PSMC2: variants seen among roughly 807,000 people sequenced by gnomAD.
PSMC2 encodes the protein proteasome 26S subunit, ATPase 2, also known as 26S proteasome regulatory subunit 7.
In PSMC2, 7 loss-of-function variants were observed where a neutral mutation model predicts 53.3. The ratio of observed to expected loss-of-function variants is 0.13; its 90% CI spans 0.07 to 0.25. The LOEUF (loss-of-function observed/expected upper bound fraction) is 0.25. Ranked by LOEUF, PSMC2 falls within the 10% of genes least tolerant of loss-of-function variation. The pLI, the probability that PSMC2 is intolerant of heterozygous loss-of-function variation, is 1.00. For missense variants in PSMC2, 241 were observed against 544.0 expected (o/e 0.44, Z 5.54); for synonymous variants, 169 against 183.9 (o/e 0.92, Z 0.66).
intron 1 of PSMC2, chr7:103,348,702 T>C (rs1294938395): frequency 1.3e-5 from 20 of 1,588,648 alleles, no homozygotes; most frequent in Middle Eastern, 2.3e-4. Context: ...TCCGGAAATA[T>C]GGCCTCAATA....
intron 1 of PSMC2, among the ~76,000 whole-genome samples, chr7:103,353,486 T>G (rs1467975724): frequency 1.3e-5 from 2 of 152,178 alleles, no homozygotes; most frequent in South Asian, 2.1e-4. Context: ...TTTGTATTTT[T>G]GGTAGAGACG....
intron 7 of PSMC2, among the ~76,000 whole-genome samples, chr7:103,363,835 G>T (rs1231572629): frequency 1.3e-5 from 2 of 152,048 alleles, no homozygotes; most frequent in African/African-American, 4.8e-5. Context: ...AGATAATTTT[G>T]TTCCTTAAAC....
At chr7:103,365,658 A>G (rs1166502165) in intron 8 of PSMC2, among the ~76,000 whole-genome samples, 1 of 151,232 alleles carries the variant, frequency 6.6e-6, no homozygotes, top group Non-Finnish European at 1.5e-5. Flanking sequence ...AGCTGCGCGC[A>G]GTGGCTCACG....
intron 4 of PSMC2, among the ~76,000 whole-genome samples, chr7:103,359,942 G>A (rs753853278): frequency 5.3e-5 from 8 of 152,026 alleles, no homozygotes; most frequent in South Asian, 2.1e-4. Context: ...TTAGCTGGGC[G>A]TGGTGGCAGG....
chr7:103,352,894 G>C (rs756759767), intron 1 of PSMC2: 9 of 780,762 alleles, frequency 1.2e-5, no homozygotes, highest in Non-Finnish European at 1.9e-5. Flanking sequence ...TTTCCCCTAC[G>C]GTCTCCATCT....
chr7:103,348,522 A>G, intron 1 of PSMC2: 1 of 674,918 alleles, frequency 1.5e-6, no homozygotes, highest in Non-Finnish European at 2.7e-6. Context: ...TTTATTATTG[A>G]TGGACGTGTA....
rs185646179 is a variant in PSMC2, at chr7:103,361,250, G to A, written c.291-707G>A. On this transcript the variant is annotated intron_variant, in intron 4 of 11. Coordinates refer to ENST00000292644, the MANE Select transcript of PSMC2 (RefSeq NM_002803.4). ...TGTAATCCCAGCACTTTGGGAAGCT[G>A]AGGCGGGCGGATCACCTGAGGTTGG... 1.9e-3 allele frequency among the ~76,000 whole-genome samples: 287 copies of A among 151,998 alleles called. 5 individuals are homozygous for A. Among genetic ancestry groups the A allele is most frequent in the Admixed American group, 0.017 (266 of 15,268 alleles).
chr7:103,351,513 CCA>C (rs1429478134), intron 1 of PSMC2, among the ~76,000 whole-genome samples: 1 of 152,150 alleles, frequency 6.6e-6, no homozygotes, highest in Non-Finnish European at 1.5e-5. Flanking sequence ...CTAGAACATA[CCA>C]AAATTCTAGA....
Position 103,355,806 on chromosome 7 carries a change from G to T in PSMC2, c.290+13G>T, listed in dbSNP as rs577267093. On this transcript the variant is annotated intron_variant, in intron 4 of 11. Coordinates refer to ENST00000292644, the MANE Select transcript of PSMC2 (RefSeq NM_002803.4). ...TACAGGTTGCCAGGTATGCACGGGT[G>T]CTCTGTGGCAACTTACCTTTGTCTG... The T allele has an allele frequency of 9.5e-6, 15 of 1,576,960 alleles. No homozygotes were observed. The highest frequency in any genetic ancestry group is 3.3e-5 in the South Asian group (3 of 89,860).
chr7:103,368,485 T>C lies in PSMC2; in HGVS notation c.*431T>C, dbSNP rs1328994672. ...ACAAGTTTGTTGGCTCCATTACCTATGCTCCTATTATCCGCTTCTGTCCCG... is the reference window on the plus strand; with the variant it reads ...ACAAGTTTGTTGGCTCCATTACCTACGCTCCTATTATCCGCTTCTGTCCCG... On this transcript the variant is annotated 3_prime_UTR_variant, in exon 12 of 12. Coordinates refer to ENST00000292644, the MANE Select transcript of PSMC2 (RefSeq NM_002803.4). 1 of 154,928 alleles carries C rather than the reference T, an allele frequency of 6.5e-6. No individual in the cohort carries two copies. Among genetic ancestry groups the C allele is most frequent in the African/African-American group, 2.4e-5 (1 of 41,500 alleles). The allele number at this position is 154,928 out of a possible 1,614,324, so 9.6% of individuals were successfully genotyped here. A position where few individuals can be genotyped will look rare whatever the true frequency, so the allele number is the denominator to read the frequency against.
At chr7:103,362,258 TC>T (rs907242970) in intron 5 of PSMC2, 170 bp downstream of exon 5, 1 of 1,420,694 alleles carries the variant, frequency 7.0e-7, no homozygotes, top group East Asian at 2.7e-5. Flanking sequence ...CTTCCTAACT[TC>T]CCATCGGCTT....
intron 4 of PSMC2, among the ~76,000 whole-genome samples, chr7:103,359,936 CT>C (rs1820280613): frequency 1.3e-5 from 2 of 152,008 alleles, no homozygotes; most frequent in South Asian, 4.2e-4. Flanking sequence ...AAAATATTAG[CT>C]GGGCGTGGTG....
intron 8 of PSMC2, among the ~76,000 whole-genome samples, chr7:103,365,255 A>G (rs975846171): frequency 1.3e-5 from 2 of 152,202 alleles, no homozygotes; most frequent in Non-Finnish European, 2.9e-5. Flanking sequence ...TAATAGATAC[A>G]GAATCATGAA....
At chr7:103,351,461 C>T (rs1038158663) in intron 1 of PSMC2, among the ~76,000 whole-genome samples, 1 of 152,148 alleles carries the variant, frequency 6.6e-6, no homozygotes, top group South Asian at 2.1e-4. Flanking sequence ...AGATTTGGCA[C>T]CCAGGGTTTT....
At chr7:103,364,981 A>ATATATATT (rs950613120) in intron 8 of PSMC2, among the ~76,000 whole-genome samples, 23 of 140,550 alleles carry the variant, frequency 1.6e-4, no homozygotes, top group African/African-American at 1.3e-4. Context: ...ATATATATAT[A>ATATATATT]TATTTAGAGA....
intron 4 of PSMC2, among the ~76,000 whole-genome samples, chr7:103,361,134 A>G (rs1006511651): frequency 6.7e-6 from 1 of 149,022 alleles, no homozygotes; most frequent in Non-Finnish European, 1.5e-5. Context: ...AAAAGAAAAA[A>G]AAACAAGCTT....
Position 103,369,290 on chromosome 7 carries a change from C to T in PSMC2, c.*1236C>T, listed in dbSNP as rs1366580584. On this transcript the variant is annotated 3_prime_UTR_variant, in exon 12 of 12. Transcript: ENST00000292644. Reference sequence around the variant, plus strand: ...ATTTTTCTTGAGGAATTAAATAGAGCAAACTATTTTCAGGTTATGCTTACA... The same window carrying T: ...ATTTTTCTTGAGGAATTAAATAGAGTAAACTATTTTCAGGTTATGCTTACA... The T allele has an allele frequency of 6.6e-6, 1 of 152,062 alleles. No individual in the cohort carries two copies. The highest frequency in any genetic ancestry group is 2.4e-5 in the African/African-American group (1 of 41,380). The allele number at this position is 152,062 out of a possible 1,614,324, so 9.4% of individuals were successfully genotyped here. A position where few individuals can be genotyped will look rare whatever the true frequency, so the allele number is the denominator to read the frequency against.
chr7:103,347,808 A>G (rs1209563358), intron 1 of PSMC2, 27 bp downstream of exon 1: 1 of 1,613,278 alleles, frequency 6.2e-7, no homozygotes, highest in African/African-American at 1.3e-5. Context: ...CGGAGCTCGG[A>G]GCTGGGGCGG....
intron 1 of PSMC2, among the ~76,000 whole-genome samples, chr7:103,350,509 G>A (rs1819703841): frequency 6.6e-6 from 1 of 151,838 alleles, no homozygotes; most frequent in African/African-American, 2.4e-5. Flanking sequence ...TTTATTTTTA[G>A]AGACAGTCTT....
Sources: allele counts gnomAD v4.1 joint callset (sites outside exome capture counted in the v4.1 genomes callset), GRCh38; gene constraint gnomAD v4.1.1; transcripts MANE v1.5; gene names NCBI Gene and HGNC (gene_info 2026-07-23, HGNC 2026-07-21).